Variants in TRIOBP observed in about 807,000 individuals in gnomAD.
TRIOBP encodes TRIO and F-actin binding protein.
Under a neutral mutation model 238.8 loss-of-function variants are expected in TRIOBP, and 169 were observed. The observed-to-expected ratio is 0.71, with a 90% CI of 0.62 to 0.80. The LOEUF is 0.80. Ranked by LOEUF, TRIOBP falls within the 30% of genes least tolerant of loss-of-function variation. The pLI is 0.00. For missense variants in TRIOBP, 2,838 were observed against 3,122.6 expected, an observed-to-expected ratio of 0.91 and a Z score of 2.17; for synonymous variants, 1,150 against 1,274.4, an observed-to-expected ratio of 0.90 and a Z score of 2.08.
At position 37,701,357 on chromosome 22, in the gene TRIOBP, T is replaced by C; in HGVS notation, c.-9T>C. ...ATCATAGGAACTGCCCTGGCCTGAC[T>C]CACCCAATATGGAGGAGGTGCCTGG... On this transcript the variant is annotated 5_prime_UTR_variant, in exon 3 of 24. Coordinates refer to ENST00000644935, the MANE Select transcript of TRIOBP (RefSeq NM_001039141.3). 6.2e-7 allele frequency: 1 copy of C among 1,608,960 alleles called. No homozygotes were observed. The highest frequency in any genetic ancestry group is 8.5e-7 in the Non-Finnish European group (1 of 1,176,828).
chr22:37,768,202 C>T (rs763836867), intron 19 of TRIOBP, 26 bp downstream of exon 19: 2 of 1,581,360 alleles, frequency 1.3e-6, no homozygotes, highest in East Asian at 2.3e-5. Context: ...GGCCCAACTG[C>T]CCACCCTGAT....
chr22:37,735,190 A>G lies in TRIOBP; in HGVS notation c.4854A>G (p.Thr1618=), dbSNP rs1924611621. Residue 1618 remains threonine, a synonymous_variant, in exon 9 of 24, where the codon ACA becomes ACG. Transcript: ENST00000644935. ...GGCCAGAGCTGGGTCCCCCAGGCACAAACGATGTCCCTGAGCAGGAGTCAC... is the reference window on the plus strand; with the variant it reads ...GGCCAGAGCTGGGTCCCCCAGGCACGAACGATGTCCCTGAGCAGGAGTCAC... ...ALGPELGPPG[T]NDVPEQESHS... 1.2e-6 allele frequency: 2 copies of G among 1,609,514 alleles called. No individual in the cohort carries two copies. The highest frequency in any genetic ancestry group is 2.7e-5 in the African/African-American group (2 of 74,832).
At chr22:37,759,606 G>A in intron 17 of TRIOBP, 1 of 1,559,330 alleles carries the variant, frequency 6.4e-7, no homozygotes, top group Non-Finnish European at 8.6e-7. Context: ...CCCCGGGGAA[G>A]TGGGGGGCTA....
intron 2 of TRIOBP, among the ~76,000 whole-genome samples, chr22:37,699,425 C>T (rs1024917674): frequency 4.6e-5 from 7 of 151,970 alleles, no homozygotes; most frequent in African/African-American, 1.7e-4. Flanking sequence ...CCTTCAGTGA[C>T]CGAAGGAACC....
intron 7 of TRIOBP, among the ~76,000 whole-genome samples, chr22:37,727,156 G>A (rs1924212796): frequency 2.0e-5 from 3 of 151,064 alleles, no homozygotes; most frequent in South Asian, 2.1e-4. Flanking sequence ...TGATCCACCC[G>A]CCTCGGCCTC....
intron 3 of TRIOBP, among the ~76,000 whole-genome samples, chr22:37,707,050 T>A (rs1206857101): frequency 6.6e-6 from 1 of 151,892 alleles, no homozygotes; most frequent in Non-Finnish European, 1.5e-5. Context: ...GGTGGATCAC[T>A]TGAGGTCAGG....
At chr22:37,720,307 G>A (rs774732067) in intron 6 of TRIOBP, among the ~76,000 whole-genome samples, 10 of 152,022 alleles carry the variant, frequency 6.6e-5, no homozygotes, top group Non-Finnish European at 1.0e-4. Flanking sequence ...GTGAGTGACC[G>A]TGCCCGGCCC....
intron 2 of TRIOBP, among the ~76,000 whole-genome samples, chr22:37,698,922 C>A (rs1037280473): frequency 1.3e-5 from 2 of 151,938 alleles, no homozygotes; most frequent in African/African-American, 4.8e-5. Flanking sequence ...CCGAAGGGGG[C>A]GGATCACCTG....
rs543930307 is a variant in TRIOBP, at chr22:37,734,879, C to T, written c.4543C>T (p.Pro1515Ser). The T allele has an allele frequency of 2.8e-5, 45 of 1,613,148 alleles. 1 individual carries two copies. The South Asian group carries it at 4.3e-4, about 15-fold the overall frequency. ...ELGKRSPLTS[P>S]PENWGGPAES... The stretch of plus-strand genomic sequence containing the variant: ...AGGAAAGAGAAGCCCACTCACGAGC[C>T]CCCCTGAGAACTGGGGAGGCCCCGC... Residue 1515 changes from proline to serine, a missense_variant, in exon 9 of 24, where the codon CCC (proline) becomes TCC (serine). By Grantham distance (74) the Pro-to-Ser change is moderately conservative. Around this residue, in one of 5 missense-constraint regions of TRIOBP, gnomAD observed 2,096 missense variants for 2,137.4 expected, o/e 0.98. Coordinates refer to ENST00000644935, the MANE Select transcript of TRIOBP (RefSeq NM_001039141.3).
rs114698166 is a variant in TRIOBP, at chr22:37,753,984, T to C, written c.5380-893T>C. Among the ~76,000 whole-genome samples, 1,010 of 152,268 alleles carry C rather than the reference T, an allele frequency of 6.6e-3. 12 individuals carry two copies. The highest frequency in any genetic ancestry group is 0.023 in the African/African-American group (969 of 41,544). Reference sequence around the variant, plus strand: ...CTGGCGCCCCCACCCCTTTCCTACATGTCCTGCCAATCTAACCCCAGCTGG... The same window carrying C: ...CTGGCGCCCCCACCCCTTTCCTACACGTCCTGCCAATCTAACCCCAGCTGG... On this transcript the variant is annotated intron_variant, in intron 12 of 23. Coordinates refer to ENST00000644935, the MANE Select transcript of TRIOBP (RefSeq NM_001039141.3).
intron 3 of TRIOBP, among the ~76,000 whole-genome samples, chr22:37,703,590 G>A (rs1922772598): frequency 6.8e-6 from 1 of 147,918 alleles, no homozygotes; most frequent in Non-Finnish European, 1.5e-5. Flanking sequence ...CTGCAAGCTC[G>A]GCCTCCCAGG....
intron 3 of TRIOBP, among the ~76,000 whole-genome samples, chr22:37,707,429 T>C (rs146915353): frequency 2.4e-4 from 36 of 152,212 alleles, no homozygotes; most frequent in South Asian, 2.3e-3. Context: ...GGGTTTTTTT[T>C]CCATCACCCT....
At chr22:37,717,846 C>A (rs1012411904) in intron 6 of TRIOBP, among the ~76,000 whole-genome samples, 2 of 152,258 alleles carry the variant, frequency 1.3e-5, no homozygotes, top group Admixed American at 1.3e-4. Context: ...GCCCACACTC[C>A]TCAGCCCTTG....
At chr22:37,709,604 G>A (rs539013968) in intron 3 of TRIOBP, among the ~76,000 whole-genome samples, 3 of 152,304 alleles carry the variant, frequency 2.0e-5, no homozygotes, top group African/African-American at 7.2e-5. Context: ...GAGAGGAGGC[G>A]GGGCGCAGGG....
intron 7 of TRIOBP, among the ~76,000 whole-genome samples, chr22:37,728,452 A>G (rs907091876): frequency 3.3e-5 from 5 of 152,086 alleles, no homozygotes. Flanking sequence ...GAAAAAAAAG[A>G]AACTTTATCT....
chr22:37,759,538 G>A lies in TRIOBP; in HGVS notation c.6324+274G>A, dbSNP rs759893970. ...AAAGGTGGGATTTGAGCGAGGGTCC[G>A]GCTGACTGCAGAGCCTGTGTGTGAG... On this transcript the variant is annotated intron_variant, in intron 17 of 23. Transcript: ENST00000644935. 58 of 1,602,520 alleles carry A rather than the reference G, an allele frequency of 3.6e-5. No homozygotes were observed. The Admixed American group carries it at 4.2e-4, about 12-fold the overall frequency.
rs1304172110 is a variant in TRIOBP at position 37,734,913 on chromosome 22, C to T, written c.4577C>T (p.Ser1526Leu). The change falls in exon 9 of 24, where the codon TCA becomes TTA. Residue 1526 changes from serine (S) to leucine (L), a missense_variant. Physicochemically the swap from Ser to Leu is moderately radical, Grantham distance 145. This residue lies in a region of TRIOBP where 2,096 missense variants were observed against 2,137.4 expected (regional missense o/e 0.98). Transcript: ENST00000644935. The part of the protein sequence containing the change: ...PENWGGPAES[S>L]QSWHSGTPTA... ...AACTGGGGAGGCCCCGCAGAGTCCTCACAATCCTGGCACTCTGGGACACCC... is the reference window on the plus strand; with the variant it reads ...AACTGGGGAGGCCCCGCAGAGTCCTTACAATCCTGGCACTCTGGGACACCC... 1.2e-6 allele frequency: 2 copies of T among 1,613,324 alleles called. No homozygotes were observed. Among genetic ancestry groups the T allele is most frequent in the South Asian group, 2.2e-5 (2 of 91,088 alleles).
At chr22:37,723,131 T>G in intron 6 of TRIOBP, 54 bp from the exon 7 acceptor site, 16 of 1,583,518 alleles carry the variant, frequency 1.0e-5, no homozygotes, top group Non-Finnish European at 1.3e-5. Context: ...AGGTAGAATA[T>G]GAGAGCTGCC....
intron 7 of TRIOBP, among the ~76,000 whole-genome samples, chr22:37,727,834 C>T (rs1181167814): frequency 2.6e-5 from 4 of 152,156 alleles, no homozygotes; most frequent in Non-Finnish European, 4.4e-5. Context: ...GGGAGCATTT[C>T]CTCCTGATCA....
Sources: allele counts gnomAD v4.1 joint callset (sites outside exome capture counted in the v4.1 genomes callset), GRCh38; gene constraint gnomAD v4.1.1; regional missense constraint gnomAD v4.1.1; transcripts MANE v1.5; gene names NCBI Gene and HGNC (gene_info 2026-07-23, HGNC 2026-07-21).